Variants in TSC2 observed in about 807,000 individuals in gnomAD.
TSC2 encodes the protein tuberin.
TSC2 carries 29 observed loss-of-function variants against 202.2 expected under a neutral mutation model. That is an observed-to-expected ratio of 0.14 (90% confidence interval 0.11 to 0.20). TSC2 has a LOEUF of 0.20. TSC2 is among the 10% of genes least tolerant of loss of function. The pLI, the probability that TSC2 is intolerant of heterozygous loss-of-function variation, is 1.00. For missense variants in TSC2, 2,429 were observed against 2,420.0 expected, an observed-to-expected ratio of 1.00 and a Z score of -0.08; for synonymous variants, 1,349 against 1,044.0, an observed-to-expected ratio of 1.29 and a Z score of -5.63.
At chr16:2,076,446 C>T (rs781529854) in intron 24 of TSC2, 45 bp from the exon 25 acceptor site, 2 of 1,609,310 alleles carry the variant, frequency 1.2e-6, no homozygotes, top group African/African-American at 1.3e-5. Flanking sequence ...GGGCCTCCAG[C>T]CCCCATTGCC....
rs749192298 is a variant in TSC2, at chr16:2,079,361, G to A, written c.3217G>A (p.Val1073Met). Reference protein sequence around the residue: ...GNKLVTVTTSVGTGTRSLLGL... With the variant: ...GNKLVTVTTSMGTGTRSLLGL... ...CAAGCTTGTCACTGTGACGACAAGC[G>A]TGGGAACCGGGACCCGGTCGTTACT... The change falls in exon 28 of 42, where the codon GTG becomes ATG. Residue 1073 changes from valine (V) to methionine (M), a missense_variant. By Grantham distance (21) the Val-to-Met change is conservative. Transcript: ENST00000219476. The surrounding 1 kb of genome is among the most constrained non-coding windows in gnomAD (Gnocchi z 4.6). 5.6e-6 allele frequency: 9 copies of A among 1,612,852 alleles called. No homozygotes were observed. The highest frequency in any genetic ancestry group is 7.6e-6 in the Non-Finnish European group (9 of 1,180,034).
rs45490993 is a variant in TSC2, at chr16:2,087,890, G to A, written c.5017G>A (p.Val1673Ile). ...CCAGTTCAACTTTGTCCACGTGATC[G>A]TCACCCCGCTGGACTACGAGTGCAA... ...KGQFNFVHVI[V>I]TPLDYECNLV... is the part of the protein sequence containing the mutation. The change falls in exon 39 of 42, where the codon GTC becomes ATC. Residue 1673 changes from valine (V) to isoleucine (I), a missense_variant. Val to Ile is a conservative substitution (Grantham distance 29, BLOSUM62 3). Coordinates refer to ENST00000219476, the MANE Select transcript of TSC2 (RefSeq NM_000548.5). The A allele has an allele frequency of 4.7e-5, 75 of 1,611,910 alleles. No homozygotes were observed. Among genetic ancestry groups the A allele is most frequent in the Middle Eastern group, 1.6e-4 (1 of 6,082 alleles).
chr16:2,084,660 T>G lies in TSC2; in HGVS notation c.4438T>G (p.Leu1480Val). Residue 1480 changes from leucine (L) to valine (V), a missense_variant, in exon 34 of 42, where the codon TTA becomes GTA. Physicochemically the swap from Leu to Val is conservative, Grantham distance 32 (BLOSUM62 1). Coordinates refer to ENST00000219476, the MANE Select transcript of TSC2 (RefSeq NM_000548.5). The stretch of plus-strand genomic sequence containing the variant: ...GGGCAAGAGAGTAGAGAGGGACGCC[T>G]TAAAGAGCAGAGCCACAGCCTCCAA... ...RRGKRVERDA[L>V]KSRATASNAE... The G allele has an allele frequency of 6.3e-7, 1 of 1,598,900 alleles. No individual in the cohort carries two copies. Among genetic ancestry groups the G allele is most frequent in the Non-Finnish European group, 8.5e-7 (1 of 1,179,816 alleles).
rs1596278327 is a variant in TSC2 at position 2,056,694 on chromosome 16, T to C, written c.699T>C (p.Ala233=). 1 of 1,612,620 alleles carries C rather than the reference T, an allele frequency of 6.2e-7. No homozygotes were observed. Among genetic ancestry groups the C allele is most frequent in the Non-Finnish European group, 8.5e-7 (1 of 1,180,006 alleles). The change falls in exon 8 of 42, where the codon GCT becomes GCC. Residue 233 remains alanine, a synonymous_variant. Coordinates refer to ENST00000219476, the MANE Select transcript of TSC2 (RefSeq NM_000548.5). ...TGGTCTGCTACAACTGCCTGCCGGCTGAGAGCCTCCCGCTGTTCATCGTTA... is the reference window on the plus strand; with the variant it reads ...TGGTCTGCTACAACTGCCTGCCGGCCGAGAGCCTCCCGCTGTTCATCGTTA... The part of the protein sequence containing the change: ...DAVVCYNCLP[A]ESLPLFIVTL...
intron 35 of TSC2, 74 bp downstream of exon 35, chr16:2,085,100 C>G: frequency 6.2e-7 from 1 of 1,601,740 alleles, no homozygotes; most frequent in Non-Finnish European, 8.5e-7. Flanking sequence ...CCCAGCTCTG[C>G]TGCTGGGAGC....
intron 15 of TSC2, 126 bp downstream of exon 15, chr16:2,064,553 T>A: frequency 5.6e-6 from 8 of 1,436,660 alleles, no homozygotes; most frequent in Non-Finnish European, 5.7e-6. Context: ...GAGGCTCCCC[T>A]CCCTGCAGGG....
At chr16:2,065,142 G>T in intron 15 of TSC2, 1 of 204,950 alleles carries the variant, frequency 4.9e-6, no homozygotes, top group Non-Finnish European at 9.8e-6. Context: ...GGCCGGGCAC[G>T]GTGGCTCATG....
rs561217049 is a variant in TSC2 at position 2,082,727 on chromosome 16, TG to T, written c.3883+224del. 972 of 623,246 alleles carry T rather than the reference TG, an allele frequency of 1.6e-3. 1 individual carries two copies. The highest frequency in any genetic ancestry group is 2.0e-3 in the Non-Finnish European group (699 of 345,496). The allele number at this position is 623,246 out of a possible 1,614,324, so 38.6% of individuals were successfully genotyped here. A position where few individuals can be genotyped will look rare whatever the true frequency, so the allele number is the denominator to read the frequency against. On this transcript the variant is annotated intron_variant, in intron 32 of 41. Transcript: ENST00000219476. ...GTGGCTGAGCCCTGTTCCCACGCTG[TG>T]CGAGCACTCCCGGCCCAGCTTCAGG...
chr16:2,057,816 C>G (rs1325172024), intron 9 of TSC2, among the ~76,000 whole-genome samples: 1 of 136,968 alleles, frequency 7.3e-6, no homozygotes, highest in Non-Finnish European at 1.6e-5. Flanking sequence ...CCCTGCATCT[C>G]TCCCAGCCCT....
rs776274603 is a variant in TSC2 at position 2,064,436 on chromosome 16, C to T, written c.1599+9C>T. 1.2e-5 allele frequency: 20 copies of T among 1,612,920 alleles called. No homozygotes were observed. Among genetic ancestry groups the T allele is most frequent in the Admixed American group, 1.0e-4 (6 of 60,004 alleles). On this transcript the variant is annotated intron_variant, in intron 15 of 41. Transcript: ENST00000219476. ...TGGACATCATCGAGAAGGTGAGAGCCGTTGTACCCGGGGCCGGGTGCTAGC... is the reference window on the plus strand; with the variant it reads ...TGGACATCATCGAGAAGGTGAGAGCTGTTGTACCCGGGGCCGGGTGCTAGC...
intron 16 of TSC2, chr16:2,066,227 C>T (rs2087336389): frequency 6.4e-6 from 1 of 156,052 alleles, no homozygotes; most frequent in Non-Finnish European, 1.4e-5. Flanking sequence ...AGTGGAATCA[C>T]ACAAAATTCA....
In TSC2 at chr16:2,077,973, G is replaced by A. The variant is rs531503301; in HGVS notation, c.2966+247G>A. On this transcript the variant is annotated intron_variant, in intron 26 of 41. Coordinates refer to ENST00000219476, the MANE Select transcript of TSC2 (RefSeq NM_000548.5). ...CCGCTCCGAGAGAGCCAGGCGTGCC[G>A]GGCAGCAGCCTCCCCAGGCTGTCCC... 3.0e-3 allele frequency among the ~76,000 whole-genome samples: 451 copies of A among 152,316 alleles called. 2 individuals carry two copies. Among genetic ancestry groups the A allele is most frequent in the African/African-American group, 0.01 (425 of 41,578 alleles).
intron 26 of TSC2, 193 bp from the exon 27 acceptor site, chr16:2,078,839 C>A: frequency 4.4e-6 from 3 of 685,954 alleles, no homozygotes; most frequent in East Asian, 5.5e-5. Flanking sequence ...CCCCACCCAG[C>A]GTCTCCCCGT....
Position 2,057,122 on chromosome 16 carries a change from T to G in TSC2, c.792T>G (p.Leu264=). The change falls in exon 9 of 42, where the codon CTT becomes CTG. Residue 264 remains leucine, a synonymous_variant. Coordinates refer to ENST00000219476, the MANE Select transcript of TSC2 (RefSeq NM_000548.5). ...TCTCGCAGCTGATGCGGAACCTCCT[T>G]GGCACCCACCTGGGCCACAGCGCCA... ...EPCWKLMRNL[L]GTHLGHSAIY... 2 of 1,551,586 alleles carry G rather than the reference T, an allele frequency of 1.3e-6. No individual in the cohort carries two copies. Among genetic ancestry groups the G allele is most frequent in the Non-Finnish European group, 1.7e-6 (2 of 1,146,998 alleles).
Position 2,084,538 on chromosome 16 carries a change from G to A in TSC2, c.4316G>A (p.Gly1439Asp), listed in dbSNP as rs150397923. The A allele has an allele frequency of 8.3e-4, 1,342 of 1,609,116 alleles. 15 individuals are homozygous for A. In the African/African-American group the frequency reaches 0.016, roughly 20 times the overall value. The change falls in exon 34 of 42, where the codon GGC (glycine) becomes GAC (aspartate). Residue 1439 changes from glycine to aspartate, a missense_variant. Physicochemically the swap from Gly to Asp is moderately conservative, Grantham distance 94 (BLOSUM62 -1). Coordinates refer to ENST00000219476, the MANE Select transcript of TSC2 (RefSeq NM_000548.5). ...AWSASGEDSR[G>D]QPEGPLPSSS... is the part of the protein sequence containing the mutation. Reference sequence around the variant, plus strand: ...TCGGCCTCGGGCGAAGACAGTCGGGGCCAGCCCGAGGGTCCCTTGCCTTCC... The same window carrying A: ...TCGGCCTCGGGCGAAGACAGTCGGGACCAGCCCGAGGGTCCCTTGCCTTCC...
At chr16:2,052,886 C>G (rs757773767) in intron 3 of TSC2, among the ~76,000 whole-genome samples, 3 of 152,046 alleles carry the variant, frequency 2.0e-5, no homozygotes, top group Non-Finnish European at 2.9e-5. Context: ...GGCATGGGGT[C>G]GAGGGCCCGA....
intron 10 of TSC2, 66 bp from the exon 11 acceptor site, chr16:2,060,604 C>G (rs1049792910): frequency 6.2e-7 from 1 of 1,611,822 alleles, no homozygotes; most frequent in African/African-American, 1.3e-5. Context: ...CCAAGGGTGA[C>G]TGGGAGGGCG....
Position 2,086,840 on chromosome 16 carries a change from C to G in TSC2, c.4958C>G (p.Ser1653Cys), listed in dbSNP as rs45517383. The G allele has an allele frequency of 6.2e-7, 1 of 1,604,130 alleles. No homozygotes were observed. The highest frequency in any genetic ancestry group is 8.5e-7 in the Non-Finnish European group (1 of 1,176,182). Residue 1653 changes from serine to cysteine, a missense_variant, in exon 38 of 42, where the codon TCC becomes TGC. Transcript: ENST00000219476. ...NDFVSIVYND[S>C]GEDFKLGTIK... ...TTTGTGTCCATTGTCTACAATGACTCCGGTGAGGACTTCAAGCTTGGCACC... is the reference window on the plus strand; with the variant it reads ...TTTGTGTCCATTGTCTACAATGACTGCGGTGAGGACTTCAAGCTTGGCACC...
In TSC2 at chr16:2,088,700, G is replaced by C; in HGVS notation, c.*90G>C. 2.7e-6 allele frequency: 4 copies of C among 1,480,996 alleles called. No individual in the cohort carries two copies. Among genetic ancestry groups the C allele is most frequent in the Middle Eastern group, 3.5e-4 (2 of 5,740 alleles). 91.7% of individuals were successfully genotyped at this position (1,480,996 alleles called of 1,614,324 possible). A position where few individuals can be genotyped will look rare whatever the true frequency, so the allele number is the denominator to read the frequency against. On this transcript the variant is annotated 3_prime_UTR_variant, in exon 42 of 42. Coordinates refer to ENST00000219476, the MANE Select transcript of TSC2 (RefSeq NM_000548.5). ...CCTGACCCCAGTGCACAGACATAGA[G>C]GCACAGATTGCAGTCAGACAGCTCT...
Sources: gnomAD v4.1 joint callset for allele counts (sites outside exome capture counted in the v4.1 genomes callset) on GRCh38, gnomAD v4.1.1 for gene constraint, Gnocchi (gnomAD v3.1) non-coding constraint, MANE v1.5 for transcripts, NCBI Gene and HGNC (gene_info 2026-07-23, HGNC 2026-07-21) for gene names.